The following ARHGAP15 variants were observed in gnomAD, a reference collection of about 807,000 sequenced individuals.
The protein encoded by ARHGAP15 is rho GTPase-activating protein 15.
In ARHGAP15, 51 loss-of-function variants were observed where a neutral mutation model predicts 63.7. The observed-to-expected ratio is 0.80, with a 90% CI of 0.64 to 1.01. The LOEUF is 1.01. ARHGAP15 is among the 50% of genes least tolerant of loss of function. ARHGAP15 has a pLI of 0.00. For synonymous variants in ARHGAP15, 191 were observed against 193.8 expected (o/e 0.99, Z 0.12); for missense variants, 560 against 564.6 (o/e 0.99, Z 0.08).
intron 6 of ARHGAP15, among the ~76,000 whole-genome samples, chr2:143,411,990 G>A (rs943038869): frequency 6.6e-6 from 1 of 152,188 alleles, no homozygotes; most frequent in African/African-American, 2.4e-5. Flanking sequence ...GCAAGAGGCT[G>A]AGGTTTGAGA....
intron 4 of ARHGAP15, among the ~76,000 whole-genome samples, chr2:143,218,613 T>C (rs1692864939): frequency 6.6e-6 from 1 of 152,198 alleles, no homozygotes; most frequent in South Asian, 2.1e-4. Context: ...ATTATGTTTC[T>C]TACTACTTTC....
At chr2:143,585,896 G>A (rs1697090390) in intron 11 of ARHGAP15, among the ~76,000 whole-genome samples, 1 of 152,010 alleles carries the variant, frequency 6.6e-6, no homozygotes, top group Non-Finnish European at 1.5e-5. Context: ...TCTCTGTAAG[G>A]GAAAGTGCCT....
At chr2:143,165,198 A>G (rs1400139624) in intron 2 of ARHGAP15, among the ~76,000 whole-genome samples, 1 of 152,046 alleles carries the variant, frequency 6.6e-6, no homozygotes. Flanking sequence ...GTACCTTTCC[A>G]CAGTACCATA....
intron 1 of ARHGAP15, among the ~76,000 whole-genome samples, chr2:143,133,699 A>T (rs1688998504): frequency 6.6e-6 from 1 of 152,206 alleles, no homozygotes; most frequent in Non-Finnish European, 1.5e-5. Flanking sequence ...TTCAAAATCA[A>T]TATAAAACCA....
At chr2:143,645,205 G>A (rs1680811310) in intron 12 of ARHGAP15, among the ~76,000 whole-genome samples, 1 of 152,002 alleles carries the variant, frequency 6.6e-6, no homozygotes, top group Non-Finnish European at 1.5e-5. Context: ...TATCTTTAAA[G>A]TAAAATCTTT....
intron 2 of ARHGAP15, among the ~76,000 whole-genome samples, chr2:143,201,398 T>C (rs954346372): frequency 2.6e-5 from 4 of 152,060 alleles, no homozygotes; most frequent in African/African-American, 9.7e-5. Context: ...TGGGCATATA[T>C]ATGTACGGGG....
rs59677710 is a variant in ARHGAP15, at chr2:143,421,766, GTATATATATATA to G, written c.475-13811_475-13800del. Among the ~76,000 whole-genome samples the G allele has an allele frequency of 8.3e-3, 908 of 109,038 alleles. 7 individuals carry two copies. Among genetic ancestry groups the G allele is most frequent in the African/African-American group, 0.03 (870 of 29,034 alleles). 71.5% of individuals were successfully genotyped at this position (109,038 alleles called of 152,430 possible). A position where few individuals can be genotyped will look rare whatever the true frequency, so the allele number is the denominator to read the frequency against. On this transcript the variant is annotated intron_variant, in intron 6 of 13. Transcript: ENST00000295095. Reference sequence around the variant, plus strand: ...ATATAAATGAACATATGCACATGGTGTATATATATATATATATATATATATATATATATATGT... The same window carrying G: ...ATATAAATGAACATATGCACATGGTGTATATATATATATATATATATATGT...
At chr2:143,580,852 T>C (rs1239365580) in intron 11 of ARHGAP15, among the ~76,000 whole-genome samples, 1 of 152,136 alleles carries the variant, frequency 6.6e-6, no homozygotes, top group Non-Finnish European at 1.5e-5. Context: ...ATTTGACTTT[T>C]ATATTTTTAC....
At chr2:143,276,447 T>C (rs746524952) in intron 6 of ARHGAP15, among the ~76,000 whole-genome samples, 2 of 152,248 alleles carry the variant, frequency 1.3e-5, no homozygotes, top group Non-Finnish European at 2.9e-5. Context: ...CTGTAGTGCC[T>C]GCATTGCTAA....
At chr2:143,464,766 G>T (rs1691121599) in intron 8 of ARHGAP15, among the ~76,000 whole-genome samples, 1 of 151,734 alleles carries the variant, frequency 6.6e-6, no homozygotes, top group Non-Finnish European at 1.5e-5. Flanking sequence ...TAATTTTTTT[G>T]TTCTAATTTT....
chr2:143,634,966 G>A (rs1057243733), intron 12 of ARHGAP15, among the ~76,000 whole-genome samples: 1 of 151,902 alleles, frequency 6.6e-6, no homozygotes, highest in African/African-American at 2.4e-5. Flanking sequence ...GGCACCAGAA[G>A]AGCCAACTCC....
intron 12 of ARHGAP15, among the ~76,000 whole-genome samples, chr2:143,702,511 CA>C (rs1318035429): frequency 2.0e-5 from 3 of 152,100 alleles, no homozygotes; most frequent in Non-Finnish European, 2.9e-5. Flanking sequence ...TTCCCTTCTA[CA>C]AAATCAAGCA....
chr2:143,662,305 C>G (rs906921302), intron 12 of ARHGAP15, among the ~76,000 whole-genome samples: 7 of 150,044 alleles, frequency 4.7e-5, no homozygotes, highest in Non-Finnish European at 7.4e-5. Context: ...AGCAGGGGCA[C>G]ACTGACACCT....
At chr2:143,357,359 T>C (rs1685853868) in intron 6 of ARHGAP15, among the ~76,000 whole-genome samples, 1 of 151,994 alleles carries the variant, frequency 6.6e-6, no homozygotes, top group Admixed American at 6.6e-5. Flanking sequence ...GGAAATCTTT[T>C]TTTTTTTAGG....
chr2:143,624,745 C>G lies in ARHGAP15; in HGVS notation c.1138+478C>G, dbSNP rs141586957. On this transcript the variant is annotated intron_variant, in intron 12 of 13. Coordinates refer to ENST00000295095, the MANE Select transcript of ARHGAP15 (RefSeq NM_018460.4). Reference sequence around the variant, plus strand: ...TTCACTCACCCTTCACCCACCAACACTAGTAAACAGTCAGCCATAATTTGC... The same window carrying G: ...TTCACTCACCCTTCACCCACCAACAGTAGTAAACAGTCAGCCATAATTTGC... Among the ~76,000 whole-genome samples, 12 of 152,308 alleles carry G rather than the reference C, an allele frequency of 7.9e-5. No homozygotes were observed. In the East Asian group the frequency reaches 2.3e-3, roughly 29 times the overall value.
intron 6 of ARHGAP15, among the ~76,000 whole-genome samples, chr2:143,277,423 T>A (rs1681614257): frequency 6.6e-6 from 1 of 151,956 alleles, no homozygotes; most frequent in African/African-American, 2.4e-5. Flanking sequence ...GAATTATATA[T>A]GTGCTTGACA....
At chr2:143,577,038 A>G (rs1696706994) in intron 11 of ARHGAP15, among the ~76,000 whole-genome samples, 1 of 152,164 alleles carries the variant, frequency 6.6e-6, no homozygotes, top group African/African-American at 2.4e-5. Context: ...AATCACTTGA[A>G]AGAGAGAACA....
Position 143,413,966 on chromosome 2 carries a change from T to TGTGTGTGTGTGTGTGCGCGCGCGC in ARHGAP15, c.475-21634_475-21633insTGTGTGTGTGTGTGCGCGCGCGCG. ...GTGTGTGTGTGTGTGTGTGTGTGTG[T>TGTGTGTGTGTGTGTGCGCGCGCGC]GCGCGCTCTCTGGCAGAAAGTTAAT... is the stretch of plus-strand genomic sequence containing the variant. On this transcript the variant is annotated intron_variant, in intron 6 of 13. Coordinates refer to ENST00000295095, the MANE Select transcript of ARHGAP15 (RefSeq NM_018460.4). Among the ~76,000 whole-genome samples the TGTGTGTGTGTGTGTGCGCGCGCGC allele has an allele frequency of 1.2e-4, 14 of 117,924 alleles. No homozygotes were observed. The South Asian group carries it at 1.3e-3, about 11-fold the overall frequency. The allele number at this position is 117,924 out of a possible 152,430, so 77.4% of individuals were successfully genotyped here. A position where few individuals can be genotyped will look rare whatever the true frequency, so the allele number is the denominator to read the frequency against.
chr2:143,489,391 T>C (rs981232292), intron 9 of ARHGAP15, among the ~76,000 whole-genome samples: 1 of 152,192 alleles, frequency 6.6e-6, no homozygotes, highest in African/African-American at 2.4e-5. Flanking sequence ...CTATGGAAAA[T>C]CTATGTAAAA....
Sources: gnomAD v4.1 joint callset for allele counts (sites outside exome capture counted in the v4.1 genomes callset) on GRCh38, gnomAD v4.1.1 for gene constraint, MANE v1.5 for transcripts, NCBI Gene and HGNC (gene_info 2026-07-23, HGNC 2026-07-21) for gene names.